Variants in TLR6 observed in about 807,000 individuals in gnomAD.
The protein encoded by TLR6 is toll like receptor 6.
TLR6 carries 9 observed loss-of-function variants against 16.1 expected under a neutral mutation model. That is an observed-to-expected ratio of 0.56 (90% CI 0.34 to 0.98). TLR6 has a LOEUF of 0.98. TLR6 is among the 50% of genes least tolerant of loss of function. TLR6 has a pLI of 0.02. For synonymous variants in TLR6, 340 were observed against 338.6 expected (o/e 1.00, Z -0.04); for missense variants, 786 against 921.0 (o/e 0.85, Z 1.90).
the TLR6 span, among the ~76,000 whole-genome samples, chr4:38,862,892 GC>G: frequency 1.6e-5 from 2 of 126,796 alleles, no homozygotes; most frequent in South Asian, 5.5e-4. Flanking sequence ...ACTACACCCG[GC>G]CCCCAATCAC....
At chr4:38,853,404 T>C (rs1170812910) in intron 1 of TLR6, among the ~76,000 whole-genome samples, 1 of 151,772 alleles carries the variant, frequency 6.6e-6, no homozygotes, top group African/African-American at 2.4e-5. Context: ...AATGCACACA[T>C]TGTTCTTTCC....
chr4:38,858,319 G>A (rs984527972), upstream of TLR6, among the ~76,000 whole-genome samples: 10 of 152,172 alleles, frequency 6.6e-5, no homozygotes, highest in African/African-American at 2.4e-4. Flanking sequence ...CTGGAATAGT[G>A]ACTGACACAG....
exon 2 of TLR6, chr4:38,827,569 T>C (rs770238233): frequency 1.2e-6 from 2 of 1,614,128 alleles, no homozygotes; most frequent in Admixed American, 3.3e-5. Context: ...TTCTTTGGAG[T>C]TCTTCTAAGG....
chr4:38,839,134 AGGGAGGGAG>A (rs1712109877), intron 1 of TLR6, among the ~76,000 whole-genome samples: 1 of 60,446 alleles, frequency 1.7e-5, no homozygotes, highest in Admixed American at 2.6e-4. Context: ...AAGGGAGGGA[AGGGAGGGAG>A]GGGAGGGAAG....
At chr4:38,829,045 G>A in exon 2 of TLR6, 1 of 1,614,118 alleles carries the variant, frequency 6.2e-7, no homozygotes, top group Non-Finnish European at 8.5e-7. Context: ...GTGATAAGTT[G>A]CCAAATTCCT....
the TLR6 span, among the ~76,000 whole-genome samples, chr4:38,864,589 A>T: frequency 1.9e-4 from 29 of 152,388 alleles, no homozygotes; most frequent in Admixed American, 4.6e-4. Flanking sequence ...ACATGTGTGA[A>T]TATGAATGAT....
At chr4:38,864,659 T>C in the TLR6 span, among the ~76,000 whole-genome samples, 3 of 152,162 alleles carry the variant, frequency 2.0e-5, no homozygotes, top group Non-Finnish European at 4.4e-5. Flanking sequence ...TCTAAAACAT[T>C]GAAAAACAAT....
chr4:38,842,444 C>T (rs1712318040), intron 1 of TLR6, among the ~76,000 whole-genome samples: 2 of 152,176 alleles, frequency 1.3e-5, no homozygotes. Context: ...TCATTTGTGC[C>T]TTGCTGGGGG....
intron 1 of TLR6, among the ~76,000 whole-genome samples, chr4:38,835,063 G>A (rs1390736112): frequency 1.3e-5 from 2 of 152,066 alleles, no homozygotes; most frequent in African/African-American, 4.8e-5. Context: ...AGGAACAAAG[G>A]ATATACAAAA....
chr4:38,861,142 A>C (rs1322708342), upstream of TLR6, among the ~76,000 whole-genome samples: 4 of 142,462 alleles, frequency 2.8e-5, no homozygotes, highest in Admixed American at 7.4e-5. Flanking sequence ...CTCCAAACCC[A>C]CCCCTTCTCA....
intron 1 of TLR6, among the ~76,000 whole-genome samples, chr4:38,850,711 C>G (rs1579259764): frequency 6.6e-6 from 1 of 152,208 alleles, no homozygotes; most frequent in Non-Finnish European, 1.5e-5. Context: ...AGGCCAATAA[C>G]AGGCTCTGAA....
the TLR6 span, chr4:38,867,650 C>CG: frequency 6.6e-6 from 1 of 151,766 alleles, no homozygotes; most frequent in Non-Finnish European, 1.5e-5. Flanking sequence ...TCGCCCAGCG[C>CG]GGGCCCGGCC....
chr4:38,828,411 A>C (rs779111853), exon 2 of TLR6: 1 of 1,613,694 alleles, frequency 6.2e-7, no homozygotes, highest in East Asian at 2.2e-5. Flanking sequence ...AAAAACTTGA[A>C]TGTGCTTGGT....
At chr4:38,864,577 C>T in the TLR6 span, among the ~76,000 whole-genome samples, 4 of 152,202 alleles carry the variant, frequency 2.6e-5, no homozygotes, top group African/African-American at 7.2e-5. Context: ...TGTGCTAGAG[C>T]TACATGTGTG....
chr4:38,823,238 AT>A (rs1342207175), downstream of TLR6, among the ~76,000 whole-genome samples: 1 of 152,112 alleles, frequency 6.6e-6, no homozygotes, highest in Non-Finnish European at 1.5e-5. Flanking sequence ...TCTTTACCAT[AT>A]TTTTACCATA....
At chr4:38,867,661 C>T in the TLR6 span, 1 of 151,840 alleles carries the variant, frequency 6.6e-6, no homozygotes, top group African/African-American at 2.4e-5. Context: ...GGGCCCGGCC[C>T]TCGCAGCGTG....
upstream of TLR6, among the ~76,000 whole-genome samples, chr4:38,859,958 T>G (rs2109483619): frequency 6.6e-6 from 1 of 152,278 alleles, no homozygotes; most frequent in Non-Finnish European, 1.5e-5. Flanking sequence ...AGTGTCACAC[T>G]GGGTTAAGTA....
At chr4:38,860,712 G>A (rs551284376), upstream of TLR6, among the ~76,000 whole-genome samples, 1 of 152,160 alleles carries the variant, frequency 6.6e-6, no homozygotes, top group South Asian at 2.1e-4. Context: ...TAACAGAAAA[G>A]GAAACAGAAA....
chr4:38,850,622 A>T (rs1712730961), intron 1 of TLR6, among the ~76,000 whole-genome samples: 1 of 152,240 alleles, frequency 6.6e-6, no homozygotes, highest in Non-Finnish European at 1.5e-5. Context: ...ATAAACTAGA[A>T]AATCTAGAAG....
Sources: allele counts gnomAD v4.1 joint callset (sites outside exome capture counted in the v4.1 genomes callset), GRCh38; gene constraint gnomAD v4.1.1; transcripts MANE v1.5; gene names NCBI Gene and HGNC (gene_info 2026-07-23, HGNC 2026-07-21).